The following TUBB8B variants were observed in gnomAD, a reference collection of about 807,000 sequenced individuals.
The protein encoded by TUBB8B is HSA18p11 beta-tubulin 4Q pseudogene.
A neutral mutation model predicts 31.9 loss-of-function variants in TUBB8B; 26 were observed. The ratio of observed to expected loss-of-function variants is 0.81; its 90% CI spans 0.60 to 1.13. The LOEUF (loss-of-function observed/expected upper bound fraction) is 1.13, where lower values mean the gene tolerates loss of function less well. TUBB8B is among the 50% of genes most tolerant of loss of function. The probability of loss-of-function intolerance (pLI) is 0.00; values close to 1 mark genes in which losing one functional copy is unlikely to be tolerated. For synonymous variants in TUBB8B, 173 were observed against 231.0 expected (o/e 0.75, Z 2.28); for missense variants, 467 against 586.7 (o/e 0.80, Z 2.11).
At chr18:67,492 A>C in the TUBB8B span, among the ~76,000 whole-genome samples, 1 of 150,776 alleles carries the variant, frequency 6.6e-6, no homozygotes, top group African/African-American at 2.5e-5. Flanking sequence ...ATATGTGTGC[A>C]AGCACAACCA....
upstream of TUBB8B, among the ~76,000 whole-genome samples, chr18:52,289 ACGGAGG>A (rs1906141045): frequency 6.6e-6 from 1 of 151,770 alleles, no homozygotes; most frequent in South Asian, 2.1e-4. Context: ...CTACTGCAAA[ACGGAGG>A]CGGTGGGCAG....
At chr18:51,198 C>G (rs1175567481), upstream of TUBB8B, among the ~76,000 whole-genome samples, 2 of 146,200 alleles carry the variant, frequency 1.4e-5, no homozygotes, top group Non-Finnish European at 3.0e-5. Context: ...ATCTGTTAAC[C>G]ACTCTGCCTT....
At chr18:62,792 A>G in the TUBB8B span, among the ~76,000 whole-genome samples, 1 of 151,566 alleles carries the variant, frequency 6.6e-6, no homozygotes, top group Admixed American at 6.6e-5. Flanking sequence ...TCCTATTTTG[A>G]GGCTATTTTT....
At chr18:68,842 A>G in the TUBB8B span, among the ~76,000 whole-genome samples, 1 of 152,060 alleles carries the variant, frequency 6.6e-6, no homozygotes, top group Non-Finnish European at 1.5e-5. Flanking sequence ...GCAGTCTCGT[A>G]TGCTCTCTCT....
chr18:60,679 A>G, the TUBB8B span, among the ~76,000 whole-genome samples: 2 of 151,670 alleles, frequency 1.3e-5, no homozygotes, highest in African/African-American at 4.8e-5. Context: ...TGTTTGTTTC[A>G]AGAAATTTTT....
At chr18:51,041 T>G (rs1006670370), upstream of TUBB8B, among the ~76,000 whole-genome samples, 1 of 151,822 alleles carries the variant, frequency 6.6e-6, no homozygotes, top group African/African-American at 2.4e-5. Context: ...AACTTTTAAA[T>G]CCTTTCCAAC....
the TUBB8B span, among the ~76,000 whole-genome samples, chr18:64,145 T>C: frequency 9.9e-5 from 15 of 151,788 alleles, no homozygotes; most frequent in Non-Finnish European, 1.9e-4. Context: ...CCCTTCTCCA[T>C]AACTTAAACC....
chr18:51,618 T>C (rs1444931164), upstream of TUBB8B, among the ~76,000 whole-genome samples: 3 of 151,944 alleles, frequency 2.0e-5, no homozygotes, highest in Non-Finnish European at 4.4e-5. Flanking sequence ...TTTTGTACTT[T>C]TAGTATAGAC....
upstream of TUBB8B, among the ~76,000 whole-genome samples, chr18:51,083 C>CTT (rs1389338074): frequency 6.6e-6 from 1 of 151,096 alleles, no homozygotes; most frequent in Non-Finnish European, 1.5e-5. Flanking sequence ...ATTAACTCAG[C>CTT]TTTTTGAGCT....
the TUBB8B span, among the ~76,000 whole-genome samples, chr18:58,234 G>C: frequency 5.2e-4 from 78 of 150,950 alleles, no homozygotes; most frequent in Admixed American, 2.4e-3. Context: ...TCTTGTAAAA[G>C]CTTTTTATTT....
chr18:63,082 T>C, the TUBB8B span, among the ~76,000 whole-genome samples: 1 of 151,870 alleles, frequency 6.6e-6, no homozygotes, highest in African/African-American at 2.4e-5. Flanking sequence ...CTATTTAGGA[T>C]TTCCTGCATG....
chr18:51,826 TCCGA>T (rs1212171781), upstream of TUBB8B, among the ~76,000 whole-genome samples: 1 of 151,118 alleles, frequency 6.6e-6, no homozygotes, highest in African/African-American at 2.4e-5. Flanking sequence ...GTGAGGCCTC[TCCGA>T]CCATGTGCAA....
At position 47,778 on chromosome 18, in the gene TUBB8B, A is replaced by G. The variant is rs1905713527; in HGVS notation, c.947T>C (p.Ile316Thr). Residue 316 changes from isoleucine to threonine, a missense_variant, in exon 4 of 4, where the codon ATT becomes ACT. By Grantham distance (89) the Ile-to-Thr change is moderately conservative (BLOSUM62 -1). Coordinates refer to ENST00000308911, the MANE Select transcript of TUBB8B (RefSeq NM_001358689.2). ...CCTCATGGGCATGCGACCCCTGAAAATGGCAGCCACCGTTAGGTAGCAGCC... is the reference window on the plus strand; with the variant it reads ...CCTCATGGGCATGCGACCCCTGAAAGTGGCAGCCACCGTTAGGTAGCAGCC... ...RHGCYLTVAA[I>T]FRGRMPMREV... The G allele has an allele frequency of 1.2e-6, 2 of 1,611,430 alleles. No homozygotes were observed. The highest frequency in any genetic ancestry group is 2.2e-5 in the East Asian group (1 of 44,718).
chr18:57,699 C>A, the TUBB8B span, among the ~76,000 whole-genome samples: 71 of 151,994 alleles, frequency 4.7e-4, 2 homozygotes, highest in East Asian at 0.014. Context: ...CAGTGGGGAA[C>A]CCACATGGGG....
the TUBB8B span, among the ~76,000 whole-genome samples, chr18:59,774 A>T: frequency 6.6e-6 from 1 of 151,272 alleles, no homozygotes; most frequent in Non-Finnish European, 1.5e-5. Flanking sequence ...GAACTCCTGA[A>T]CTCAGGAGAT....
chr18:56,856 G>C, the TUBB8B span, among the ~76,000 whole-genome samples: 3 of 151,912 alleles, frequency 2.0e-5, no homozygotes, highest in Non-Finnish European at 2.9e-5. Context: ...TCAAGCCTCT[G>C]ACAACTGACA....
At chr18:66,087 G>T in the TUBB8B span, among the ~76,000 whole-genome samples, 1 of 152,042 alleles carries the variant, frequency 6.6e-6, no homozygotes, top group Non-Finnish European at 1.5e-5. Context: ...AAATTAGCTA[G>T]GTGTGATGGT....
At chr18:63,161 A>C in the TUBB8B span, among the ~76,000 whole-genome samples, 1 of 151,642 alleles carries the variant, frequency 6.6e-6, no homozygotes. Context: ...TGGTGAGGTC[A>C]TGTTTTCCTG....
chr18:67,121 A>C, the TUBB8B span, among the ~76,000 whole-genome samples: 1 of 151,318 alleles, frequency 6.6e-6, no homozygotes, highest in Admixed American at 6.6e-5. Flanking sequence ...TCAGCCTCCC[A>C]AGTAGCTAGG....
Sources: gnomAD v4.1 joint callset for allele counts (sites outside exome capture counted in the v4.1 genomes callset) on GRCh38, gnomAD v4.1.1 for gene constraint, MANE v1.5 for transcripts, NCBI Gene and HGNC (gene_info 2026-07-23, HGNC 2026-07-21) for gene names.